The following ROBO1 variants were observed in gnomAD, a reference collection of about 807,000 sequenced individuals.
ROBO1 encodes the protein roundabout guidance receptor 1.
In ROBO1, 149 loss-of-function variants were observed where a neutral mutation model predicts 195.9. The observed-to-expected ratio is 0.76, with a 90% CI of 0.67 to 0.87. The LOEUF (loss-of-function observed/expected upper bound fraction) is 0.87. Ranked by LOEUF, ROBO1 falls within the 40% of genes least tolerant of loss-of-function variation. The pLI is 0.00. For missense variants in ROBO1, 1,933 were observed against 2,068.3 expected (o/e 0.93, Z 1.27); for synonymous variants, 816 against 733.2 (o/e 1.11, Z -1.82).
At chr3:79,558,713 G>A (rs555373606) in intron 2 of ROBO1, among the ~76,000 whole-genome samples, 1 of 151,970 alleles carries the variant, frequency 6.6e-6, no homozygotes, top group Non-Finnish European at 1.5e-5. Flanking sequence ...TGTTGTCTCG[G>A]ATTAAATTAA....
At chr3:79,747,832 CA>C (rs913817554) in intron 1 of ROBO1, among the ~76,000 whole-genome samples, 1 of 151,256 alleles carries the variant, frequency 6.6e-6, no homozygotes, top group African/African-American at 2.4e-5. Flanking sequence ...AAATAATGTA[CA>C]AAAAATGGAG....
At chr3:79,516,704 G>A (rs1473220924) in intron 2 of ROBO1, among the ~76,000 whole-genome samples, 3 of 152,088 alleles carry the variant, frequency 2.0e-5, no homozygotes, top group Admixed American at 1.3e-4. Context: ...CTATTTAATT[G>A]TATGTGTATC....
chr3:79,449,278 G>A (rs948858368), intron 2 of ROBO1, among the ~76,000 whole-genome samples: 1 of 151,610 alleles, frequency 6.6e-6, no homozygotes, highest in African/African-American at 2.4e-5. Flanking sequence ...ATATGTGTAG[G>A]GAGCTCCTCA....
At chr3:79,471,628 C>A (rs975396691) in intron 2 of ROBO1, among the ~76,000 whole-genome samples, 30 of 152,002 alleles carry the variant, frequency 2.0e-4, no homozygotes, top group African/African-American at 7.0e-4. Flanking sequence ...TTCAAATTTT[C>A]TTTGATCAAG....
chr3:79,049,273 C>T (rs1219329756), intron 3 of ROBO1, among the ~76,000 whole-genome samples: 3 of 151,826 alleles, frequency 2.0e-5, no homozygotes, highest in Non-Finnish European at 2.9e-5. Context: ...ATAGCCCATT[C>T]GATCAAGTGG....
intron 2 of ROBO1, among the ~76,000 whole-genome samples, chr3:79,359,830 A>G (rs1460642687): frequency 1.3e-5 from 2 of 152,084 alleles, no homozygotes; most frequent in Middle Eastern, 6.8e-3. Context: ...GATACCAAGC[A>G]TAAGATAAAA....
chr3:79,640,881 C>T (rs936948364), intron 1 of ROBO1, among the ~76,000 whole-genome samples: 2 of 152,136 alleles, frequency 1.3e-5, no homozygotes, highest in Non-Finnish European at 1.5e-5. Context: ...GAGCTCACTA[C>T]AGTTCCCCCA....
chr3:79,444,173 A>G (rs1654121512), intron 2 of ROBO1, among the ~76,000 whole-genome samples: 1 of 152,052 alleles, frequency 6.6e-6, no homozygotes, highest in African/African-American at 2.4e-5. Flanking sequence ...ATTTCTTTTC[A>G]TGAAAACATA....
intron 2 of ROBO1, among the ~76,000 whole-genome samples, chr3:79,291,841 T>C (rs1000556898): frequency 2.0e-5 from 3 of 152,150 alleles, no homozygotes; most frequent in Non-Finnish European, 2.9e-5. Flanking sequence ...TTTTTTGAAA[T>C]ATAGAATCAA....
chr3:79,168,195 A>G (rs903786648), intron 2 of ROBO1, among the ~76,000 whole-genome samples: 2 of 152,122 alleles, frequency 1.3e-5, no homozygotes, highest in African/African-American at 4.8e-5. Flanking sequence ...GCGTATTCGG[A>G]GAAGAGCCAA....
chr3:79,355,531 G>C (rs1559840972), intron 2 of ROBO1, among the ~76,000 whole-genome samples: 1 of 152,042 alleles, frequency 6.6e-6, no homozygotes. Context: ...CTGCAGCTTT[G>C]TACCTGTTGA....
At chr3:78,678,063 C>G (rs1575911885) in intron 10 of ROBO1, among the ~76,000 whole-genome samples, 1 of 152,122 alleles carries the variant, frequency 6.6e-6, no homozygotes, top group South Asian at 2.1e-4. Flanking sequence ...ACAACCTGCT[C>G]CTGAATGACT....
intron 4 of ROBO1, among the ~76,000 whole-genome samples, chr3:78,931,236 C>CTTTTTTTTTTTTTTTTTTTT (rs71127369): frequency 2.4e-4 from 19 of 79,224 alleles, no homozygotes; most frequent in East Asian, 4.0e-4. Flanking sequence ...TTCTTTCTTT[C>CTTTTTTTTTTTTTTTTTTTT]TTTTTTTTTT....
At chr3:79,136,576 G>A (rs996534569) in intron 2 of ROBO1, among the ~76,000 whole-genome samples, 6 of 152,100 alleles carry the variant, frequency 3.9e-5, no homozygotes, top group Non-Finnish European at 7.4e-5. Context: ...TGCATGGAAA[G>A]GGTACTTTAA....
Position 78,685,927 on chromosome 3 carries a change from A to C in ROBO1, c.1171-10T>G, listed in dbSNP as rs761436886. On this transcript the variant is annotated splice_polypyrimidine_tract_variant and intron_variant, in intron 9 of 30. Transcript: ENST00000464233. ...ATGAGAAAAGTAGATTCTAGAACCC[A>C]GAAATTGGGATGGAGGAAAATAAAA... 16 of 1,550,108 alleles carry C rather than the reference A, an allele frequency of 1.0e-5. No homozygotes were observed. The South Asian group carries it at 1.8e-4, about 17-fold the overall frequency.
At chr3:79,581,982 T>G (rs1277066682) in intron 2 of ROBO1, among the ~76,000 whole-genome samples, 1 of 151,950 alleles carries the variant, frequency 6.6e-6, no homozygotes, top group African/African-American at 2.4e-5. Flanking sequence ...TCTACTAGTG[T>G]TAATATCTAT....
chr3:79,631,893 T>G (rs1173255284), intron 1 of ROBO1, among the ~76,000 whole-genome samples: 2 of 151,802 alleles, frequency 1.3e-5, no homozygotes, highest in Non-Finnish European at 2.9e-5. Flanking sequence ...CATCACTAAT[T>G]ATAAGAGAAA....
chr3:79,059,196 C>T (rs936356783), intron 3 of ROBO1, among the ~76,000 whole-genome samples: 2 of 152,040 alleles, frequency 1.3e-5, no homozygotes, highest in African/African-American at 2.4e-5. Context: ...CAAAGGACAC[C>T]TTCTGGGTAG....
At chr3:79,310,294 A>G (rs1166911034) in intron 2 of ROBO1, among the ~76,000 whole-genome samples, 1 of 152,180 alleles carries the variant, frequency 6.6e-6, no homozygotes, top group South Asian at 2.1e-4. Flanking sequence ...AGCTGCTAGT[A>G]TGGAAGAACC....
Sources: gnomAD v4.1 joint callset for allele counts (sites outside exome capture counted in the v4.1 genomes callset) on GRCh38, gnomAD v4.1.1 for gene constraint, MANE v1.5 for transcripts, NCBI Gene and HGNC (gene_info 2026-07-23, HGNC 2026-07-21) for gene names.